SUSD4: variants seen among roughly 807,000 people sequenced by gnomAD.
The protein encoded by SUSD4 is sushi domain-containing protein 4.
SUSD4 carries 41 observed loss-of-function variants against 50.5 expected under a neutral mutation model. The ratio of observed to expected loss-of-function variants is 0.81; its 90% CI spans 0.63 to 1.05. The LOEUF (loss-of-function observed/expected upper bound fraction) is 1.05, where lower values mean the gene tolerates loss of function less well. Ranked by LOEUF, SUSD4 falls within the 50% of genes least tolerant of loss-of-function variation. The pLI is 0.00. For synonymous variants in SUSD4, 257 were observed against 257.3 expected (o/e 1.00, Z 0.01); for missense variants, 580 against 634.7 (o/e 0.91, Z 0.93).
intron 2 of SUSD4, among the ~76,000 whole-genome samples, chr1:223,302,028 TG>T (rs1665230123): frequency 6.6e-6 from 1 of 152,198 alleles, no homozygotes; most frequent in South Asian, 2.1e-4. Context: ...GATTGGAACA[TG>T]GGGGTGGTTT....
intron 2 of SUSD4, among the ~76,000 whole-genome samples, chr1:223,341,853 C>A (rs1005661016): frequency 2.6e-5 from 4 of 151,978 alleles, no homozygotes; most frequent in Admixed American, 6.6e-5. Flanking sequence ...CATCTGCCAA[C>A]AGAGACCACC....
At chr1:223,276,972 T>C (rs1045833213) in intron 3 of SUSD4, among the ~76,000 whole-genome samples, 7 of 152,194 alleles carry the variant, frequency 4.6e-5, no homozygotes, top group African/African-American at 1.4e-4. Flanking sequence ...CCTCTGGAGC[T>C]AGAAGACAGC....
At chr1:223,257,184 G>A (rs1166905927) in intron 5 of SUSD4, among the ~76,000 whole-genome samples, 1 of 152,106 alleles carries the variant, frequency 6.6e-6, no homozygotes, top group Non-Finnish European at 1.5e-5. Context: ...GAAGAAATTT[G>A]AAATATTATT....
Position 223,240,930 on chromosome 1 carries a change from G to A in SUSD4, c.725-11542C>T, listed in dbSNP as rs147528245. Among the ~76,000 whole-genome samples the A allele has an allele frequency of 5.3e-4, 80 of 152,324 alleles. No individual in the cohort carries two copies. The East Asian group carries it at 6.0e-3, about 11-fold the overall frequency. ...GCTTTTGGTAATGTTGTGGTGCCAC[G>A]CAGGGGAAGGAGAAGCACTCTGTAG... On this transcript the variant is annotated intron_variant, in intron 5 of 8. Transcript: ENST00000366878.
intron 7 of SUSD4, among the ~76,000 whole-genome samples, chr1:223,225,823 G>A (rs1420975296): frequency 1.3e-5 from 2 of 152,026 alleles, no homozygotes; most frequent in Non-Finnish European, 2.9e-5. Flanking sequence ...ATGCCACTCA[G>A]CTCCCATACA....
intron 2 of SUSD4, among the ~76,000 whole-genome samples, chr1:223,323,435 G>A (rs925254992): frequency 7.9e-5 from 12 of 151,910 alleles, no homozygotes; most frequent in Admixed American, 4.6e-4. Context: ...ATCAACAGGG[G>A]CCCCAGAGAG....
chr1:223,227,830 CA>C lies in SUSD4; in HGVS notation c.917-93del. ...GGGCTCATTTGCTGGATTCATCTGG[CA>C]CAAGAGATGCGTGCAAGGTGCCTCT... is the stretch of plus-strand genomic sequence containing the variant. On this transcript the variant is annotated intron_variant, in intron 6 of 8. Coordinates refer to ENST00000366878, the MANE Select transcript of SUSD4 (RefSeq NM_017982.4). This position sits in a 1 kb window ranked among gnomAD's most constrained non-coding sequence, Gnocchi z 4.5. 6.8e-7 allele frequency: 1 copy of C among 1,477,780 alleles called. No individual in the cohort carries two copies. The highest frequency in any genetic ancestry group is 9.1e-7 in the Non-Finnish European group (1 of 1,097,262). 91.5% of individuals were successfully genotyped at this position (1,477,780 alleles called of 1,614,324 possible). A position where few individuals can be genotyped will look rare whatever the true frequency, so the allele number is the denominator to read the frequency against.
rs557283127 is a variant in SUSD4 at position 223,316,256 on chromosome 1, A to G, written c.149-23605T>C. On this transcript the variant is annotated intron_variant, in intron 2 of 8. Coordinates refer to ENST00000366878, the MANE Select transcript of SUSD4 (RefSeq NM_017982.4). Reference sequence around the variant, plus strand: ...AAACTTCATTGGTGCATTTATCCAGAAATCAGTTGCTGGCACAAGGCCAGC... The same window carrying G: ...AAACTTCATTGGTGCATTTATCCAGGAATCAGTTGCTGGCACAAGGCCAGC... Among the ~76,000 whole-genome samples, 5 of 152,296 alleles carry G rather than the reference A, an allele frequency of 3.3e-5. No individual in the cohort carries two copies. In the East Asian group the frequency reaches 9.7e-4, roughly 30 times the overall value.
At chr1:223,307,039 A>G (rs1346554200) in intron 2 of SUSD4, among the ~76,000 whole-genome samples, 2 of 145,990 alleles carry the variant, frequency 1.4e-5, no homozygotes, top group Non-Finnish European at 3.0e-5. Context: ...AAGTATTTTT[A>G]TTTTATTTTT....
At position 223,263,671 on chromosome 1, in the gene SUSD4, C is replaced by T; in HGVS notation, c.724+959G>A. 4 of 985,418 alleles carry T rather than the reference C, an allele frequency of 4.1e-6. No individual in the cohort carries two copies. In the South Asian group the frequency reaches 1.9e-4, roughly 46 times the overall value. 61.0% of individuals were successfully genotyped at this position (985,418 alleles called of 1,614,324 possible). The stretch of plus-strand genomic sequence containing the variant: ...GCTCCAGCCAACCCCACTCCACATC[C>T]CTAGAGAGGCCGTCTCTGATCCTTC... On this transcript the variant is annotated intron_variant, in intron 5 of 8. Coordinates refer to ENST00000366878, the MANE Select transcript of SUSD4 (RefSeq NM_017982.4).
At chr1:223,363,720 T>G in intron 1 of SUSD4, 1 of 331,118 alleles carries the variant, frequency 3.0e-6, no homozygotes, top group Non-Finnish European at 5.5e-6. Context: ...TAGCGCACAT[T>G]GGCTCCGCGC....
At chr1:223,310,773 T>C (rs894840044) in intron 2 of SUSD4, among the ~76,000 whole-genome samples, 6 of 152,238 alleles carry the variant, frequency 3.9e-5, no homozygotes, top group Non-Finnish European at 7.3e-5. Context: ...GCACAGACTG[T>C]TAAATTGAGG....
At chr1:223,304,647 CA>C (rs936028440) in intron 2 of SUSD4, among the ~76,000 whole-genome samples, 11 of 150,864 alleles carry the variant, frequency 7.3e-5, no homozygotes, top group African/African-American at 2.2e-4. Flanking sequence ...TCATGATACT[CA>C]AAAACATACG....
At chr1:223,284,701 T>C (rs1278186280) in intron 3 of SUSD4, among the ~76,000 whole-genome samples, 1 of 152,176 alleles carries the variant, frequency 6.6e-6, no homozygotes, top group Non-Finnish European at 1.5e-5. Context: ...ATTTTGTCAT[T>C]GATGGCAACG....
intron 2 of SUSD4, among the ~76,000 whole-genome samples, chr1:223,333,408 C>T (rs1261237526): frequency 6.6e-6 from 1 of 152,046 alleles, no homozygotes; most frequent in Non-Finnish European, 1.5e-5. Flanking sequence ...AGTCCTATTA[C>T]TCAATCAAAA....
intron 2 of SUSD4, among the ~76,000 whole-genome samples, chr1:223,361,922 G>A (rs927788332): frequency 2.0e-5 from 3 of 152,208 alleles, no homozygotes; most frequent in Admixed American, 1.3e-4. Flanking sequence ...CCAGAGCCCT[G>A]GCAGGGCACA....
intron 2 of SUSD4, among the ~76,000 whole-genome samples, chr1:223,341,856 A>G (rs1024203851): frequency 6.6e-6 from 1 of 151,892 alleles, no homozygotes; most frequent in African/African-American, 2.4e-5. Flanking sequence ...CTGCCAACAG[A>G]GACCACCATG....
intron 3 of SUSD4, among the ~76,000 whole-genome samples, chr1:223,278,570 C>T (rs1401900560): frequency 6.6e-6 from 1 of 152,204 alleles, no homozygotes; most frequent in Non-Finnish European, 1.5e-5. Context: ...AGCCTGGAAG[C>T]TCGAACTGGG....
intron 2 of SUSD4, among the ~76,000 whole-genome samples, chr1:223,318,451 T>G (rs1465506428): frequency 1.1e-5 from 1 of 91,934 alleles, no homozygotes; most frequent in Non-Finnish European, 2.1e-5. Flanking sequence ...CCACAATGGT[T>G]GAACTAGTTT....
Sources: gnomAD v4.1 joint callset for allele counts (sites outside exome capture counted in the v4.1 genomes callset) on GRCh38, gnomAD v4.1.1 for gene constraint, Gnocchi (gnomAD v3.1) non-coding constraint, MANE v1.5 for transcripts, NCBI Gene and HGNC (gene_info 2026-07-23, HGNC 2026-07-21) for gene names.